NR3C2: variants seen among roughly 807,000 people sequenced by gnomAD.
NR3C2 encodes the protein nuclear receptor subfamily 3 group C member 2.
Under a neutral mutation model 86.4 loss-of-function variants are expected in NR3C2, and 15 were observed. The observed-to-expected ratio is 0.17, with a 90% CI of 0.12 to 0.27. The LOEUF (loss-of-function observed/expected upper bound fraction) is 0.27. Ranked by LOEUF, NR3C2 falls within the 10% of genes least tolerant of loss-of-function variation. NR3C2 has a pLI of 1.00. For missense variants in NR3C2, 960 were observed against 1,195.6 expected (o/e 0.80, Z 2.91); for synonymous variants, 458 against 450.5 (o/e 1.02, Z -0.21).
chr4:148,344,367 G>A (rs1744891625), intron 2 of NR3C2, among the ~76,000 whole-genome samples: 1 of 152,086 alleles, frequency 6.6e-6, no homozygotes, highest in Admixed American at 6.6e-5. Context: ...ATAGAGACAG[G>A]ATGGCTGAAA....
intron 2 of NR3C2, among the ~76,000 whole-genome samples, chr4:148,403,718 GA>G (rs1038126518): frequency 6.6e-6 from 1 of 152,036 alleles, no homozygotes; most frequent in African/African-American, 2.4e-5. Context: ...ATATAAAGAG[GA>G]AAGTAAGTAC....
intron 6 of NR3C2, among the ~76,000 whole-genome samples, chr4:148,125,814 TA>T (rs1337925760): frequency 6.6e-6 from 1 of 152,186 alleles, no homozygotes; most frequent in Non-Finnish European, 1.5e-5. Flanking sequence ...AGAGAACAGT[TA>T]AAGGCTATGA....
rs72656840 is a variant in NR3C2, at chr4:148,349,723, A to G, written c.1757+85381T>C. 2.0e-3 allele frequency among the ~76,000 whole-genome samples: 302 copies of G among 152,290 alleles called. 2 individuals carry two copies. The highest frequency in any genetic ancestry group is 6.7e-3 in the African/African-American group (277 of 41,584). On this transcript the variant is annotated intron_variant, in intron 2 of 8. Coordinates refer to ENST00000358102, the MANE Select transcript of NR3C2 (RefSeq NM_000901.5). The stretch of plus-strand genomic sequence containing the variant: ...GTTTTGTTGTTGATGTTAATGTATG[A>G]CAAACAGTATCACAGTTAATTTCAT...
chr4:148,398,422 C>G (rs949886757), intron 2 of NR3C2, among the ~76,000 whole-genome samples: 4 of 152,074 alleles, frequency 2.6e-5, no homozygotes, highest in Non-Finnish European at 5.9e-5. Context: ...TTAAAGTATC[C>G]AAGTAGATAT....
intron 2 of NR3C2, among the ~76,000 whole-genome samples, chr4:148,398,699 T>C (rs1335112303): frequency 6.6e-6 from 1 of 152,218 alleles, no homozygotes. Flanking sequence ...ATGCTCCGTA[T>C]GTAAGACATA....
intron 2 of NR3C2, among the ~76,000 whole-genome samples, chr4:148,408,023 C>CA (rs1219529674): frequency 6.6e-6 from 1 of 152,282 alleles, no homozygotes; most frequent in African/African-American, 2.4e-5. Flanking sequence ...AGAAACTACA[C>CA]ACACCCTTAG....
chr4:148,416,223 A>C (rs1249758671), intron 2 of NR3C2, among the ~76,000 whole-genome samples: 1 of 152,208 alleles, frequency 6.6e-6, no homozygotes. Context: ...CATCATACAT[A>C]AATCTTTTTC....
chr4:148,153,863 A>G (rs1457139214), intron 5 of NR3C2, among the ~76,000 whole-genome samples: 3 of 152,138 alleles, frequency 2.0e-5, no homozygotes, highest in Non-Finnish European at 4.4e-5. Context: ...CTTGGTCTAC[A>G]CTTAGATTAA....
intron 3 of NR3C2, among the ~76,000 whole-genome samples, chr4:148,198,480 A>C (rs1452288625): frequency 1.3e-5 from 2 of 152,156 alleles, no homozygotes; most frequent in African/African-American, 4.8e-5. Flanking sequence ...GAGAAAGCAC[A>C]ATGAAAAGGG....
intron 2 of NR3C2, among the ~76,000 whole-genome samples, chr4:148,300,873 T>C (rs891002877): frequency 1.3e-5 from 2 of 152,142 alleles, no homozygotes; most frequent in Non-Finnish European, 2.9e-5. Flanking sequence ...CGCCCGACCT[T>C]GCCTTGTCAC....
chr4:148,114,025 A>C lies in NR3C2; in HGVS notation c.2799+79T>G, dbSNP rs1218726209. On this transcript the variant is annotated intron_variant, in intron 8 of 8. Transcript: ENST00000358102. ...CTAGCATGACACCCTGAAAACTCTC[A>C]GTCTCTGTTTCCTTTGGTCAGCAGT... 7.8e-6 allele frequency: 12 copies of C among 1,544,828 alleles called. No individual in the cohort carries two copies. The South Asian group carries it at 1.0e-4, about 13-fold the overall frequency.
chr4:148,333,760 G>A (rs1177717667), intron 2 of NR3C2, among the ~76,000 whole-genome samples: 1 of 152,134 alleles, frequency 6.6e-6, no homozygotes, highest in African/African-American at 2.4e-5. Flanking sequence ...AGCCAGACAA[G>A]TTTTTGTCAC....
intron 2 of NR3C2, among the ~76,000 whole-genome samples, chr4:148,300,019 T>C (rs967236397): frequency 6.6e-6 from 1 of 152,196 alleles, no homozygotes; most frequent in African/African-American, 2.4e-5. Context: ...CATGTTTTAC[T>C]GTATGGTTCT....
At chr4:148,414,937 G>A (rs1199012681) in intron 2 of NR3C2, among the ~76,000 whole-genome samples, 1 of 152,108 alleles carries the variant, frequency 6.6e-6, no homozygotes, top group Non-Finnish European at 1.5e-5. Flanking sequence ...ACAGTATTAG[G>A]GTTATTAACA....
At chr4:148,426,414 T>C (rs1749533510) in intron 2 of NR3C2, among the ~76,000 whole-genome samples, 1 of 152,194 alleles carries the variant, frequency 6.6e-6, no homozygotes. Flanking sequence ...TTCCCAGCTG[T>C]GTTACTAGCT....
intron 3 of NR3C2, among the ~76,000 whole-genome samples, chr4:148,209,444 T>G (rs1260009130): frequency 2.6e-5 from 4 of 151,914 alleles, no homozygotes; most frequent in Middle Eastern, 3.2e-3. Context: ...CACTCCCAGC[T>G]AATTTTCTGA....
intron 2 of NR3C2, among the ~76,000 whole-genome samples, chr4:148,355,313 T>C (rs570654222): frequency 6.6e-6 from 1 of 152,300 alleles, no homozygotes; most frequent in South Asian, 2.1e-4. Context: ...AATAGAATGC[T>C]TCAAAGAAAA....
In NR3C2 at chr4:148,154,777, A is replaced by G. The variant is rs151096115; in HGVS notation, c.2139T>C (p.Pro713=). The stretch of plus-strand genomic sequence containing the variant: ...CTGTGTTGACCGAGGGTTCTTTTGC[A>G]GGAGCGATGTACGTTGTCCCTTCCT... The part of the protein sequence containing the change: ...SPEEGTTYIA[P]AKEPSVNTAL... Residue 713 remains proline, a synonymous_variant, in exon 5 of 9, where the codon CCT becomes CCC. Coordinates refer to ENST00000358102, the MANE Select transcript of NR3C2 (RefSeq NM_000901.5). 15,546 of 1,327,278 alleles carry G rather than the reference A, an allele frequency of 0.012. 104 individuals are homozygous for G. The highest frequency in any genetic ancestry group is 0.014 in the Non-Finnish European group (14,051 of 1,013,094). 82.2% of individuals were successfully genotyped at this position (1,327,278 alleles called of 1,614,324 possible). A position where few individuals can be genotyped will look rare whatever the true frequency, so the allele number is the denominator to read the frequency against.
In NR3C2 at chr4:148,212,003, T is replaced by C. The variant is rs149786940; in HGVS notation, c.1898-17141A>G. Among the ~76,000 whole-genome samples, 24 of 152,272 alleles carry C rather than the reference T, an allele frequency of 1.6e-4. No individual in the cohort carries two copies. The South Asian group carries it at 3.1e-3, about 20-fold the overall frequency. On this transcript the variant is annotated intron_variant, in intron 3 of 8. Coordinates refer to ENST00000358102, the MANE Select transcript of NR3C2 (RefSeq NM_000901.5). The stretch of plus-strand genomic sequence containing the variant: ...ATCCTCACTACCAAGTCTAAGGCCC[T>C]CACTGAACCTCAACCTTCCTTGGAA...
Sources: gnomAD v4.1 joint callset for allele counts (sites outside exome capture counted in the v4.1 genomes callset) on GRCh38, gnomAD v4.1.1 for gene constraint, MANE v1.5 for transcripts, NCBI Gene and HGNC (gene_info 2026-07-23, HGNC 2026-07-21) for gene names.